Variants in CNTNAP2 observed in about 807,000 individuals in gnomAD.
CNTNAP2 encodes the protein contactin-associated protein-like 2.
CNTNAP2 carries 98 observed loss-of-function variants against 155.2 expected under a neutral mutation model. The observed-to-expected ratio is 0.63, with a 90% CI of 0.54 to 0.75. The LOEUF is 0.75. Among genes scored for constraint, CNTNAP2 ranks in the 30% least tolerant of loss-of-function variants. CNTNAP2 has a pLI of 0.00. For synonymous variants in CNTNAP2, 651 were observed against 631.2 expected (o/e 1.03, Z -0.47); for missense variants, 1,727 against 1,688.1 (o/e 1.02, Z -0.40).
chr7:146,632,558 T>G (rs1157514484), intron 1 of CNTNAP2, among the ~76,000 whole-genome samples: 1 of 152,070 alleles, frequency 6.6e-6, no homozygotes, highest in Non-Finnish European at 1.5e-5. Context: ...CAATGAATAT[T>G]TTCAAGTTAA....
At chr7:146,581,394 G>A (rs896021058) in intron 1 of CNTNAP2, among the ~76,000 whole-genome samples, 46 of 152,126 alleles carry the variant, frequency 3.0e-4, no homozygotes, top group African/African-American at 1.1e-3. Flanking sequence ...TTATACCAAT[G>A]AAATAAAATG....
At chr7:146,223,550 A>G (rs1009023161) in intron 1 of CNTNAP2, among the ~76,000 whole-genome samples, 7 of 152,172 alleles carry the variant, frequency 4.6e-5, no homozygotes, top group Non-Finnish European at 8.8e-5. Context: ...TGATTTCCTT[A>G]GTGAACCTCC....
At chr7:146,510,898 C>A (rs1484023652) in intron 1 of CNTNAP2, among the ~76,000 whole-genome samples, 2 of 151,790 alleles carry the variant, frequency 1.3e-5, no homozygotes, top group East Asian at 3.9e-4. Context: ...TTAGGTTTTT[C>A]TTTTTTCTTT....
At chr7:146,196,768 AG>A (rs1187521559) in intron 1 of CNTNAP2, among the ~76,000 whole-genome samples, 2 of 152,178 alleles carry the variant, frequency 1.3e-5, no homozygotes, top group African/African-American at 4.8e-5. Context: ...TCACATAGAA[AG>A]AAACATATGC....
rs988754256 is a variant in CNTNAP2 at position 146,476,273 on chromosome 7, T to C, written c.98-297998T>C. On this transcript the variant is annotated intron_variant, in intron 1 of 23. Coordinates refer to ENST00000361727, the MANE Select transcript of CNTNAP2 (RefSeq NM_014141.6). ...TGTCTATTGCCAAGTAATTGCAATATTCACCCAAAGAATCTTGTAATATTT... is the reference window on the plus strand; with the variant it reads ...TGTCTATTGCCAAGTAATTGCAATACTCACCCAAAGAATCTTGTAATATTT... Among the ~76,000 whole-genome samples the C allele has an allele frequency of 2.6e-5, 4 of 152,294 alleles. 1 individual carries two copies. The highest frequency in any genetic ancestry group is 1.5e-5 in the Non-Finnish European group (1 of 68,012).
chr7:147,866,766 TTG>T lies in CNTNAP2; in HGVS notation c.2099-36797_2099-36796del, dbSNP rs1491325639. On this transcript the variant is annotated intron_variant, in intron 13 of 23. Coordinates refer to ENST00000361727, the MANE Select transcript of CNTNAP2 (RefSeq NM_014141.6). The stretch of plus-strand genomic sequence containing the variant: ...GCAACCCCTGTTTTTTTTTTGTTTT[TTG>T]TTGTTGTTGTTGTTTTGCTTTCCAT... Among the ~76,000 whole-genome samples the T allele has an allele frequency of 4.3e-5, 6 of 138,518 alleles. No individual in the cohort carries two copies. The South Asian group carries it at 8.7e-4, about 20-fold the overall frequency. 90.9% of individuals were successfully genotyped at this position (138,518 alleles called of 152,430 possible). A position where few individuals can be genotyped will look rare whatever the true frequency, so the allele number is the denominator to read the frequency against.
At chr7:148,410,897 C>G (rs1026494278) in intron 23 of CNTNAP2, among the ~76,000 whole-genome samples, 5 of 152,156 alleles carry the variant, frequency 3.3e-5, no homozygotes, top group Non-Finnish European at 5.9e-5. Context: ...ATGACTATAT[C>G]TAACAAAAAT....
chr7:147,263,046 A>G (rs936580081), intron 8 of CNTNAP2, among the ~76,000 whole-genome samples: 9 of 152,272 alleles, frequency 5.9e-5, no homozygotes, highest in South Asian at 2.1e-4. Context: ...TTAACTGAAC[A>G]TGGGAACAAG....
chr7:146,723,735 A>G (rs1801379737), intron 1 of CNTNAP2, among the ~76,000 whole-genome samples: 1 of 152,216 alleles, frequency 6.6e-6, no homozygotes, highest in Admixed American at 6.5e-5. Flanking sequence ...AGCAAAAACA[A>G]GGATACAAAG....
At chr7:148,276,153 A>G (rs1289942509) in intron 21 of CNTNAP2, among the ~76,000 whole-genome samples, 1 of 152,172 alleles carries the variant, frequency 6.6e-6, no homozygotes, top group Non-Finnish European at 1.5e-5. Context: ...AGCAGTGCCC[A>G]CTTTTACTCT....
intron 1 of CNTNAP2, among the ~76,000 whole-genome samples, chr7:146,732,040 G>A (rs916262466): frequency 6.6e-5 from 10 of 152,038 alleles, no homozygotes; most frequent in African/African-American, 2.4e-4. Context: ...ATCATATGCT[G>A]AGGAATTAAT....
At chr7:147,481,076 G>A (rs1033544175) in intron 10 of CNTNAP2, among the ~76,000 whole-genome samples, 1 of 152,100 alleles carries the variant, frequency 6.6e-6, no homozygotes, top group African/African-American at 2.4e-5. Context: ...CTGGAGTCAT[G>A]GTGCTATGAC....
chr7:147,489,295 A>T (rs551045601), intron 11 of CNTNAP2, among the ~76,000 whole-genome samples: 2 of 152,172 alleles, frequency 1.3e-5, no homozygotes, highest in Admixed American at 6.5e-5. Context: ...TCCCTTTGGG[A>T]TGAGTAGACA....
At chr7:147,894,960 TC>T (rs373147092) in intron 13 of CNTNAP2, among the ~76,000 whole-genome samples, 11,358 of 73,428 alleles carry the variant, frequency 0.15, 2,033 homozygotes, top group Non-Finnish European at 0.18. Flanking sequence ...TTTCTTTCTT[TC>T]TTTCTTTTTT....
At chr7:146,476,537 A>AT (rs1283454046) in intron 1 of CNTNAP2, among the ~76,000 whole-genome samples, 1 of 152,116 alleles carries the variant, frequency 6.6e-6, no homozygotes, top group African/African-American at 2.4e-5. Context: ...AGAGGCAAGC[A>AT]TTTTGTGCTA....
chr7:147,390,398 G>C (rs1053111069), intron 9 of CNTNAP2, among the ~76,000 whole-genome samples: 1 of 152,112 alleles, frequency 6.6e-6, no homozygotes, highest in Non-Finnish European at 1.5e-5. Flanking sequence ...TTACTTTTCT[G>C]TAAGAGGCCA....
chr7:146,851,233 C>A (rs1024039026), intron 3 of CNTNAP2, among the ~76,000 whole-genome samples: 1 of 152,124 alleles, frequency 6.6e-6, no homozygotes, highest in Non-Finnish European at 1.5e-5. Context: ...GATTCACTAG[C>A]CTCGGCCTCC....
At chr7:146,416,287 C>T (rs956586582) in intron 1 of CNTNAP2, among the ~76,000 whole-genome samples, 1 of 150,018 alleles carries the variant, frequency 6.7e-6, no homozygotes, top group Admixed American at 6.7e-5. Flanking sequence ...TATATATATA[C>T]CTATATATAT....
chr7:146,705,891 G>T (rs1185947008), intron 1 of CNTNAP2, among the ~76,000 whole-genome samples: 2 of 152,044 alleles, frequency 1.3e-5, no homozygotes, highest in Non-Finnish European at 2.9e-5. Flanking sequence ...ATATCATATG[G>T]TATCCAACTC....
Sources: allele counts gnomAD v4.1 joint callset (sites outside exome capture counted in the v4.1 genomes callset), GRCh38; gene constraint gnomAD v4.1.1; transcripts MANE v1.5; gene names NCBI Gene and HGNC (gene_info 2026-07-23, HGNC 2026-07-21).